Variants in NPSR1 observed in about 807,000 individuals in gnomAD.
NPSR1 encodes neuropeptide S receptor 1, also known as neuropeptide S receptor.
NPSR1 carries 48 observed loss-of-function variants against 46.9 expected under a neutral mutation model. That is an observed-to-expected ratio of 1.02 (90% confidence interval 0.81 to 1.30). The LOEUF is 1.30. Ranked by LOEUF, NPSR1 falls within the 50% of genes most tolerant of loss-of-function variation. NPSR1 has a pLI of 0.00. For missense variants in NPSR1, 450 were observed against 449.5 expected (o/e 1.00, Z -0.01); for synonymous variants, 176 against 168.1 (o/e 1.05, Z -0.36).
intron 1 of NPSR1, among the ~76,000 whole-genome samples, chr7:34,673,799 CT>C (rs1334360879): frequency 1.3e-5 from 2 of 152,144 alleles, no homozygotes; most frequent in Non-Finnish European, 2.9e-5. Flanking sequence ...AGATTTCTTA[CT>C]TTTTTGTGAA....
chr7:34,766,384 A>G (rs959572944), intron 2 of NPSR1, among the ~76,000 whole-genome samples: 2 of 152,208 alleles, frequency 1.3e-5, no homozygotes, highest in Non-Finnish European at 2.9e-5. Flanking sequence ...ATTTATATTC[A>G]CACAAAAACC....
chr7:34,811,114 A>G (rs1788964311), intron 3 of NPSR1, among the ~76,000 whole-genome samples: 1 of 152,054 alleles, frequency 6.6e-6, no homozygotes, highest in African/African-American at 2.4e-5. Context: ...CCATCTGCAG[A>G]TGGCTTAAGT....
chr7:34,861,684 AGAG>A (rs1289679692), intron 8 of NPSR1, among the ~76,000 whole-genome samples: 2 of 151,900 alleles, frequency 1.3e-5, no homozygotes, highest in Non-Finnish European at 2.9e-5. Flanking sequence ...ATGGAGGGGC[AGAG>A]GAGAACATCA....
chr7:34,807,361 A>C (rs1028082861), intron 3 of NPSR1, among the ~76,000 whole-genome samples: 8 of 151,836 alleles, frequency 5.3e-5, no homozygotes, highest in African/African-American at 1.9e-4. Context: ...TTCTATCTGT[A>C]TATTTTTGTT....
intron 2 of NPSR1, among the ~76,000 whole-genome samples, chr7:34,754,932 T>C (rs1785742913): frequency 6.6e-6 from 1 of 152,158 alleles, no homozygotes; most frequent in Admixed American, 6.6e-5. Context: ...ACTTTCAAGG[T>C]TCATTTTTGT....
chr7:34,664,795 A>G (rs1583760583), intron 1 of NPSR1, among the ~76,000 whole-genome samples: 2 of 152,342 alleles, frequency 1.3e-5, no homozygotes, highest in Admixed American at 1.3e-4. Flanking sequence ...TGGAGAAAGA[A>G]AGAAATGGCT....
At chr7:34,852,309 GAGAA>G (rs71888053), downstream of NPSR1, among the ~76,000 whole-genome samples, 3,097 of 151,390 alleles carry the variant, frequency 0.02, 93 homozygotes, top group African/African-American at 0.068. Context: ...CAAGGAAAGA[GAGAA>G]AGAGAGAAAG....
chr7:34,725,910 G>A (rs528057676), intron 2 of NPSR1, among the ~76,000 whole-genome samples: 7 of 152,188 alleles, frequency 4.6e-5, no homozygotes, highest in Middle Eastern at 3.4e-3. Flanking sequence ...TAGGTCTCAC[G>A]AGATCTGATG....
In NPSR1 at chr7:34,778,010, T is replaced by C. The variant is rs942378550; in HGVS notation, c.281-452T>C. On this transcript the variant is annotated intron_variant, in intron 2 of 8. Transcript: ENST00000360581. ...AAACTGGGAGGAGGGGCACTAAGAC[T>C]GGGCATAAGGAGAAACAAGAGGTCC... Among the ~76,000 whole-genome samples, 4 of 152,150 alleles carry C rather than the reference T, an allele frequency of 2.6e-5. No individual in the cohort carries two copies. In the East Asian group the frequency reaches 7.7e-4, roughly 29 times the overall value.
chr7:34,706,958 G>T (rs1472643831), intron 2 of NPSR1, among the ~76,000 whole-genome samples: 1 of 151,968 alleles, frequency 6.6e-6, no homozygotes, highest in Non-Finnish European at 1.5e-5. Flanking sequence ...GAAGAGCTGG[G>T]TGGGCCATGT....
chr7:34,732,324 A>T (rs1784462356), intron 2 of NPSR1, among the ~76,000 whole-genome samples: 1 of 152,154 alleles, frequency 6.6e-6, no homozygotes, highest in Non-Finnish European at 1.5e-5. Flanking sequence ...ACCTTCTGCA[A>T]GAGGGGCCCA....
intron 3 of NPSR1, among the ~76,000 whole-genome samples, chr7:34,801,720 G>A (rs1207901364): frequency 1.4e-5 from 2 of 147,596 alleles, no homozygotes; most frequent in East Asian, 4.0e-4. Flanking sequence ...TCTGGCCAGG[G>A]CAATTAGGCA....
chr7:34,677,188 T>C (rs1201479893), intron 1 of NPSR1, among the ~76,000 whole-genome samples: 1 of 152,146 alleles, frequency 6.6e-6, no homozygotes, highest in African/African-American at 2.4e-5. Flanking sequence ...TTGGCTCGGA[T>C]TGTACTCTAC....
At chr7:34,695,003 T>C (rs1793446738) in intron 2 of NPSR1, among the ~76,000 whole-genome samples, 2 of 152,138 alleles carry the variant, frequency 1.3e-5, no homozygotes, top group African/African-American at 4.8e-5. Flanking sequence ...CCACCGTGCC[T>C]AGCATAGCCA....
intron 8 of NPSR1, among the ~76,000 whole-genome samples, chr7:34,856,883 T>G (rs942965819): frequency 7.3e-5 from 11 of 151,610 alleles, no homozygotes; most frequent in African/African-American, 2.7e-4. Flanking sequence ...GTAAGAGAAC[T>G]GAAAACTGGT....
At chr7:34,803,103 T>C (rs1788503672) in intron 3 of NPSR1, among the ~76,000 whole-genome samples, 2 of 150,524 alleles carry the variant, frequency 1.3e-5, no homozygotes, top group South Asian at 4.1e-4. Flanking sequence ...ATAGGAACAC[T>C]TTTACACTGT....
At chr7:34,777,737 G>C (rs1397490415) in intron 2 of NPSR1, among the ~76,000 whole-genome samples, 1 of 152,126 alleles carries the variant, frequency 6.6e-6, no homozygotes, top group African/African-American at 2.4e-5. Context: ...GTCTGTCATG[G>C]AGGGGTGAGG....
At chr7:34,781,022 C>T (rs1787205042) in intron 3 of NPSR1, among the ~76,000 whole-genome samples, 1 of 152,150 alleles carries the variant, frequency 6.6e-6, no homozygotes, top group Non-Finnish European at 1.5e-5. Flanking sequence ...ATTTGAAAAT[C>T]TCTGACATAC....
intron 2 of NPSR1, among the ~76,000 whole-genome samples, chr7:34,772,457 T>C (rs913528624): frequency 6.6e-6 from 1 of 152,164 alleles, no homozygotes. Context: ...CTGACTAGAA[T>C]TGCACAGAAA....
Sources: allele counts gnomAD v4.1 joint callset (sites outside exome capture counted in the v4.1 genomes callset), GRCh38; gene constraint gnomAD v4.1.1; transcripts MANE v1.5; gene names NCBI Gene and HGNC (gene_info 2026-07-23, HGNC 2026-07-21).